Variants in PLPP3 observed in about 807,000 individuals in gnomAD.
PLPP3 encodes the protein PAP2 beta.
A neutral mutation model predicts 29.6 loss-of-function variants in PLPP3; 6 were observed. The observed-to-expected ratio is 0.20, with a 90% confidence interval of 0.11 to 0.40. The LOEUF (loss-of-function observed/expected upper bound fraction) is 0.40, where lower values mean the gene tolerates loss of function less well. Among genes scored for constraint, PLPP3 ranks in the 10% least tolerant of loss-of-function variants. The pLI is 1.00. For synonymous variants in PLPP3, 152 were observed against 159.7 expected, an observed-to-expected ratio of 0.95 and a Z score of 0.36; for missense variants, 308 against 407.7, an observed-to-expected ratio of 0.76 and a Z score of 2.11.
At chr1:56,537,235 GTTCC>G in intron 1 of PLPP3, 123 bp from the exon 2 acceptor site, 1 of 1,115,848 alleles carries the variant, frequency 9.0e-7, no homozygotes, top group Non-Finnish European at 1.3e-6. Context: ...AGTGATAATC[GTTCC>G]TTCCATTTGT....
intron 1 of PLPP3, among the ~76,000 whole-genome samples, chr1:56,563,422 TAAG>T (rs1646142889): frequency 6.6e-6 from 1 of 152,300 alleles, no homozygotes; most frequent in Non-Finnish European, 1.5e-5. Flanking sequence ...AGAAGACTGA[TAAG>T]AAGAATTAAC....
chr1:56,552,447 C>T (rs1051729744), intron 1 of PLPP3, among the ~76,000 whole-genome samples: 2 of 152,138 alleles, frequency 1.3e-5, no homozygotes, highest in Admixed American at 6.5e-5. Context: ...ATATAATTTA[C>T]ATAGCATGCA....
intron 1 of PLPP3, among the ~76,000 whole-genome samples, chr1:56,573,368 A>T (rs1646213660): frequency 6.6e-6 from 1 of 152,232 alleles, no homozygotes; most frequent in Non-Finnish European, 1.5e-5. Context: ...ACTGAAAAAG[A>T]CAGGTGCACT....
intron 2 of PLPP3, among the ~76,000 whole-genome samples, chr1:56,532,429 G>A (rs1006452683): frequency 6.6e-6 from 1 of 152,140 alleles, no homozygotes; most frequent in Non-Finnish European, 1.5e-5. Flanking sequence ...AGGCAATGTT[G>A]AGGAACCTTG....
intron 1 of PLPP3, among the ~76,000 whole-genome samples, chr1:56,562,571 G>A (rs1646138126): frequency 6.6e-6 from 1 of 152,190 alleles, no homozygotes; most frequent in South Asian, 2.1e-4. Context: ...TTCTATACCT[G>A]TGGGATACTA....
In PLPP3 at chr1:56,524,235, G is replaced by A; in HGVS notation, c.575+42C>T. ...AAGTGCTCACTGAACTGCACTGTAT[G>A]AAAGGGGTCCAGGCTCTGGCCATGC... On this transcript the variant is annotated intron_variant, in intron 3 of 5. Coordinates refer to ENST00000371250, the MANE Select transcript of PLPP3 (RefSeq NM_003713.5). This position sits in a 1 kb window ranked among gnomAD's most constrained non-coding sequence, Gnocchi z 4.3. The A allele has an allele frequency of 6.2e-7, 1 of 1,608,626 alleles. No homozygotes were observed. The highest frequency in any genetic ancestry group is 8.5e-7 in the Non-Finnish European group (1 of 1,177,578).
chr1:56,512,174 G>T, intron 4 of PLPP3, 22 bp from the exon 5 acceptor site: 2 of 1,558,948 alleles, frequency 1.3e-6, no homozygotes, highest in African/African-American at 1.4e-5. Context: ...AGACAAAAAG[G>T]AACAGACATT....
At chr1:56,532,642 T>A (rs1453847089) in intron 2 of PLPP3, among the ~76,000 whole-genome samples, 1 of 152,126 alleles carries the variant, frequency 6.6e-6, no homozygotes, top group Non-Finnish European at 1.5e-5. Context: ...AGTTGAGATT[T>A]TAAGGAAGAA....
rs1645919246 is a variant in PLPP3 at position 56,535,388 on chromosome 1, A to C, written c.297+1567T>G. On this transcript the variant is annotated intron_variant, in intron 2 of 5. Coordinates refer to ENST00000371250, the MANE Select transcript of PLPP3 (RefSeq NM_003713.5). Reference sequence around the variant, plus strand: ...GACAAGAGATAACAATTATTGCAGTAATTTCTTGGCTTGTGTTTCTCCGGA... The same window carrying C: ...GACAAGAGATAACAATTATTGCAGTCATTTCTTGGCTTGTGTTTCTCCGGA... Among the ~76,000 whole-genome samples, 3 of 152,270 alleles carry C rather than the reference A, an allele frequency of 2.0e-5. No homozygotes were observed. The South Asian group carries it at 6.2e-4, about 32-fold the overall frequency.
intron 1 of PLPP3, chr1:56,538,525 T>G: frequency 2.4e-6 from 1 of 414,396 alleles, no homozygotes; most frequent in Non-Finnish European, 4.8e-6. Flanking sequence ...CATGGAGTTG[T>G]TTATTTGGCC....
At chr1:56,503,502 A>G (rs1241454537) in intron 5 of PLPP3, among the ~76,000 whole-genome samples, 1 of 152,142 alleles carries the variant, frequency 6.6e-6, no homozygotes. Context: ...CAGCCTGACC[A>G]ACATGGAGAA....
At chr1:56,541,376 C>T (rs1051450010) in intron 1 of PLPP3, among the ~76,000 whole-genome samples, 1 of 152,160 alleles carries the variant, frequency 6.6e-6, no homozygotes, top group Non-Finnish European at 1.5e-5. Flanking sequence ...TAGCACAAAG[C>T]ATAAATAATA....
chr1:56,514,221 G>A (rs2100235750), intron 4 of PLPP3, among the ~76,000 whole-genome samples: 2 of 152,140 alleles, frequency 1.3e-5, no homozygotes, highest in Admixed American at 1.3e-4. Context: ...TATGAAAGAA[G>A]TTAGAGGCTG....
At chr1:56,533,823 G>A (rs1225482588) in intron 2 of PLPP3, among the ~76,000 whole-genome samples, 2 of 152,198 alleles carry the variant, frequency 1.3e-5, no homozygotes, top group Non-Finnish European at 2.9e-5. Flanking sequence ...TGAAGGACAA[G>A]TCACAGAATG....
intron 5 of PLPP3, among the ~76,000 whole-genome samples, chr1:56,501,841 A>C (rs1645670330): frequency 6.6e-6 from 1 of 152,258 alleles, no homozygotes; most frequent in Admixed American, 6.5e-5. Context: ...GTGAAATCTG[A>C]CACATTCTAG....
At chr1:56,514,301 A>T in intron 4 of PLPP3, among the ~76,000 whole-genome samples, 1 of 151,574 alleles carries the variant, frequency 6.6e-6, no homozygotes, top group East Asian at 1.9e-4. Context: ...GCTGGGTTTA[A>T]GGGGGCAGGA....
In PLPP3 at chr1:56,496,133, C is replaced by A. The variant is rs1319780534; in HGVS notation, c.*418G>T. 5.9e-6 allele frequency: 1 copy of A among 168,344 alleles called. No homozygotes were observed. The highest frequency in any genetic ancestry group is 5.7e-5 in the Admixed American group (1 of 17,474). The allele number at this position is 168,344 out of a possible 1,614,324, so 10.4% of individuals were successfully genotyped here. A position where few individuals can be genotyped will look rare whatever the true frequency, so the allele number is the denominator to read the frequency against. The stretch of plus-strand genomic sequence containing the variant: ...GGATGGACAGAAAGACTCAAGAGGG[C>A]AGCTCCGCAATGGCTATTTTCTTGA... On this transcript the variant is annotated 3_prime_UTR_variant, in exon 6 of 6. Coordinates refer to ENST00000371250, the MANE Select transcript of PLPP3 (RefSeq NM_003713.5).
intron 1 of PLPP3, among the ~76,000 whole-genome samples, chr1:56,565,418 CCTT>C (rs1646155358): frequency 1.3e-5 from 2 of 151,994 alleles, no homozygotes; most frequent in South Asian, 4.2e-4. Context: ...GCCTAAAGTC[CCTT>C]CTTTTTTTTT....
At chr1:56,569,965 T>G (rs1403022156) in intron 1 of PLPP3, among the ~76,000 whole-genome samples, 2 of 152,208 alleles carry the variant, frequency 1.3e-5, no homozygotes, top group African/African-American at 4.8e-5. Flanking sequence ...CACTCTTCAC[T>G]GTGCTGCTAG....
Sources: gnomAD v4.1 joint callset for allele counts (sites outside exome capture counted in the v4.1 genomes callset) on GRCh38, gnomAD v4.1.1 for gene constraint, Gnocchi (gnomAD v3.1) non-coding constraint, MANE v1.5 for transcripts, NCBI Gene and HGNC (gene_info 2026-07-23, HGNC 2026-07-21) for gene names.